TRAF3IP3: variants seen among roughly 807,000 people sequenced by gnomAD.
The protein encoded by TRAF3IP3 is TRAF3-interacting JNK-activating modulator.
Under a neutral mutation model 86.5 loss-of-function variants are expected in TRAF3IP3, and 64 were observed. That is an observed-to-expected ratio of 0.74 (90% CI 0.60 to 0.91). The LOEUF (loss-of-function observed/expected upper bound fraction) is 0.91, where lower values mean the gene tolerates loss of function less well. Ranked by LOEUF, TRAF3IP3 falls within the 40% of genes least tolerant of loss-of-function variation. The probability of loss-of-function intolerance (pLI) is 0.00; values close to 1 mark genes in which losing one functional copy is unlikely to be tolerated. For missense variants in TRAF3IP3, 579 were observed against 642.9 expected (o/e 0.90, Z 1.07); for synonymous variants, 220 against 243.9 (o/e 0.90, Z 0.91).
In TRAF3IP3 at chr1:209,767,369, C is replaced by A. The variant is rs75839997; in HGVS notation, c.702+3782C>A. On this transcript the variant is annotated intron_variant, in intron 8 of 16. Transcript: ENST00000367025. ...ATGCAATTACTATCTGAGGAAATGA[C>A]TTGTGAATGATCAGATCTGTGTCTT... Among the ~76,000 whole-genome samples, 18 of 152,264 alleles carry A rather than the reference C, an allele frequency of 1.2e-4. No homozygotes were observed. In the East Asian group the frequency reaches 3.5e-3, roughly 29 times the overall value.
chr1:209,771,728 C>A (rs539341089), intron 8 of TRAF3IP3, among the ~76,000 whole-genome samples: 3 of 113,082 alleles, frequency 2.7e-5, no homozygotes, highest in African/African-American at 1.1e-4. Flanking sequence ...TGGAAGTGTA[C>A]GTGTGCATGT....
rs555004337 is a variant in TRAF3IP3, at chr1:209,760,248, A to G, written c.209A>G (p.Asn70Ser). Residue 70 changes from asparagine (N) to serine (S), a missense_variant, in exon 3 of 17, where the codon AAC becomes AGC. By Grantham distance (46) the Asn-to-Ser change is conservative (BLOSUM62 1). Transcript: ENST00000367025. ...CTGCAGCAGTTCTTCAGGAGGAGGAACCTGGAGCTAGAGGAGAAGGGCAAA... is the reference window on the plus strand; with the variant it reads ...CTGCAGCAGTTCTTCAGGAGGAGGAGCCTGGAGCTAGAGGAGAAGGGCAAA... ...ARLQQFFRRR[N>S]LELEEKGKAQ... 1 of 1,614,110 alleles carries G rather than the reference A, an allele frequency of 6.2e-7. No homozygotes were observed. The highest frequency in any genetic ancestry group is 1.3e-5 in the African/African-American group (1 of 74,942).
intron 9 of TRAF3IP3, 45 bp from the exon 10 acceptor site, chr1:209,775,304 C>A (rs765285588): frequency 3.9e-6 from 6 of 1,557,220 alleles, no homozygotes; most frequent in Non-Finnish European, 5.2e-6. Context: ...GGATTTGGCA[C>A]ACAGAAGCTC....
At chr1:209,779,754 TAG>T (rs754577541) in intron 14 of TRAF3IP3, 295 of 534,556 alleles carry the variant, frequency 5.5e-4, no homozygotes, top group Admixed American at 1.3e-3. Flanking sequence ...CTGTTAGCCC[TAG>T]AGAGTCTACT....
rs145949051 is a variant in TRAF3IP3, at chr1:209,774,415, A to G, written c.775-934A>G. 9.2e-5 allele frequency among the ~76,000 whole-genome samples: 14 copies of G among 152,362 alleles called. No homozygotes were observed. The East Asian group carries it at 2.5e-3, about 27-fold the overall frequency. On this transcript the variant is annotated intron_variant, in intron 9 of 16. Transcript: ENST00000367025. ...ATAATAGAGGCATGCAGGGGATACT[A>G]TGTGAACACCATGAACCCTAAGAAA...
chr1:209,779,134 A>G, intron 13 of TRAF3IP3, 181 bp from the exon 14 acceptor site: 2 of 604,034 alleles, frequency 3.3e-6, no homozygotes, highest in East Asian at 2.8e-5. Context: ...CTATCTCCAA[A>G]TAAGGTCATT....
chr1:209,780,365 C>T, intron 14 of TRAF3IP3, 105 bp from the exon 15 acceptor site: 1 of 1,156,160 alleles, frequency 8.6e-7, no homozygotes. Context: ...AGAGCACGCC[C>T]TCCCAAGTTC....
chr1:209,777,484 C>A lies in TRAF3IP3; in HGVS notation c.1186C>A (p.Gln396Lys), dbSNP rs1031910707. The A allele has an allele frequency of 1.9e-6, 3 of 1,611,716 alleles. No individual in the cohort carries two copies. The highest frequency in any genetic ancestry group is 3.3e-4 in the Middle Eastern group (2 of 6,044). Reference protein sequence around the residue: ...DLCSLDTQDLQDQLKRSEAEK... With the variant: ...DLCSLDTQDLKDQLKRSEAEK... ...GTGCAGCTTGGATACCCAGGACCTACAAGGTACTCTTCTCCTTGGAGGCCT... is the reference window on the plus strand; with the variant it reads ...GTGCAGCTTGGATACCCAGGACCTAAAAGGTACTCTTCTCCTTGGAGGCCT... Residue 396 changes from glutamine (Q) to lysine (K), a missense_variant, in exon 12 of 17, where the codon CAA becomes AAA. Transcript: ENST00000367025.
chr1:209,778,117 T>C lies in TRAF3IP3; in HGVS notation c.1196T>C (p.Leu399Pro). Residue 399 changes from leucine (L) to proline (P), a missense_variant, in exon 13 of 17, where the codon CTA becomes CCA. Leu to Pro is a moderately conservative substitution (Grantham distance 98). Transcript: ENST00000367025. ...SLDTQDLQDQ[L>P]KRSEAEKLTL... is the part of the protein sequence containing the mutation. ...TGCATTATTGCATTTTCAGATCAAC[T>C]AAAAAGGTCAGAGGCAGAGAAACTC... The C allele has an allele frequency of 6.2e-7, 1 of 1,614,060 alleles. No individual in the cohort carries two copies. The highest frequency in any genetic ancestry group is 8.5e-7 in the Non-Finnish European group (1 of 1,179,938).
In TRAF3IP3 at chr1:209,781,419, T is replaced by G. The variant is rs2077777390; in HGVS notation, c.1524T>G (p.Cys508Trp). 1 of 1,613,572 alleles carries G rather than the reference T, an allele frequency of 6.2e-7. No homozygotes were observed. Among genetic ancestry groups the G allele is most frequent in the African/African-American group, 1.3e-5 (1 of 75,044 alleles). Residue 508 changes from cysteine (C) to tryptophan (W), a missense_variant, in exon 16 of 17, where the codon TGT becomes TGG. By Grantham distance (215) the Cys-to-Trp change is radical (BLOSUM62 -2). Coordinates refer to ENST00000367025, the MANE Select transcript of TRAF3IP3 (RefSeq NM_025228.4). ...YLSCLRKLQH[C>W]REELNQSQQL... is the part of the protein sequence containing the mutation. ...CCTGCCTGCGTAAGCTGCAGCACTG[T>G]CGAGAAGAGCTGAACCAGAGCCAGC...
intron 9 of TRAF3IP3, among the ~76,000 whole-genome samples, chr1:209,774,605 C>G (rs1471621012): frequency 6.6e-6 from 1 of 152,166 alleles, no homozygotes; most frequent in Non-Finnish European, 1.5e-5. Flanking sequence ...GCTGGGGGAT[C>G]TGCAAACATC....
intron 16 of TRAF3IP3, 159 bp from the exon 17 acceptor site, chr1:209,781,897 C>T (rs2077789770): frequency 1.6e-6 from 1 of 615,944 alleles, no homozygotes; most frequent in South Asian, 1.9e-5. Flanking sequence ...GGTTTTATCC[C>T]AAGACAGGTG....
At chr1:209,763,308 C>G (rs1252688555) in intron 6 of TRAF3IP3, 55 bp from the exon 7 acceptor site, 2 of 1,595,586 alleles carry the variant, frequency 1.3e-6, no homozygotes, top group South Asian at 1.1e-5. Flanking sequence ...GTTCTATATC[C>G]CAGGGTTTCA....
At chr1:209,770,981 G>GGT (rs1233620475) in intron 8 of TRAF3IP3, among the ~76,000 whole-genome samples, 2 of 142,784 alleles carry the variant, frequency 1.4e-5, no homozygotes, top group Admixed American at 1.4e-4. Context: ...TGCATGTGGA[G>GGT]GTGTGTGTGT....
At chr1:209,771,337 CTG>C (rs1437013429) in intron 8 of TRAF3IP3, among the ~76,000 whole-genome samples, 15 of 60,252 alleles carry the variant, frequency 2.5e-4, no homozygotes, top group African/African-American at 8.5e-4. Context: ...GGAGGTGTAT[CTG>C]TGCATGTGGA....
At chr1:209,767,688 GA>G (rs2077383700) in intron 8 of TRAF3IP3, among the ~76,000 whole-genome samples, 1 of 151,014 alleles carries the variant, frequency 6.6e-6, no homozygotes, top group Admixed American at 6.6e-5. Flanking sequence ...AAAAAAAAAA[GA>G]GGGGGGAGGG....
At chr1:209,779,251 C>T in intron 13 of TRAF3IP3, 64 bp from the exon 14 acceptor site, 1 of 1,419,112 alleles carries the variant, frequency 7.0e-7, no homozygotes, top group Non-Finnish European at 9.9e-7. Context: ...AAGCAAAGTT[C>T]TGAAAAGAAA....
intron 8 of TRAF3IP3, chr1:209,768,577 A>G (rs2077400895): frequency 6.1e-6 from 6 of 985,596 alleles, no homozygotes; most frequent in Non-Finnish European, 7.2e-6. Flanking sequence ...TTCTGTGGTG[A>G]GGTGGTGGTG....
intron 5 of TRAF3IP3, 47 bp from the exon 6 acceptor site, chr1:209,763,021 T>G (rs2077274564): frequency 1.2e-6 from 2 of 1,610,098 alleles, no homozygotes; most frequent in South Asian, 2.2e-5. Flanking sequence ...CCTCCTGACT[T>G]GATTCTTTGG....
Sources: allele counts gnomAD v4.1 joint callset (sites outside exome capture counted in the v4.1 genomes callset), GRCh38; gene constraint gnomAD v4.1.1; transcripts MANE v1.5; gene names NCBI Gene and HGNC (gene_info 2026-07-23, HGNC 2026-07-21).